OR1J2: variants seen among roughly 807,000 people sequenced by gnomAD.
The protein encoded by OR1J2 is olfactory receptor 1J2.
For missense variants in OR1J2, 304 were observed against 246.1 expected, an observed-to-expected ratio of 1.24 and a Z score of -1.57; for synonymous variants, 142 against 99.7, an observed-to-expected ratio of 1.42 and a Z score of -2.52.
chr9:122,457,768 A>G, the OR1J2 span, among the ~76,000 whole-genome samples: 1 of 152,170 alleles, frequency 6.6e-6, no homozygotes, highest in African/African-American at 2.4e-5. Flanking sequence ...AGAAAAAAAC[A>G]CCAAATAGAA....
At chr9:122,552,039 A>ACTCTCTCTCTCTCT in the OR1J2 span, among the ~76,000 whole-genome samples, 10 of 89,356 alleles carry the variant, frequency 1.1e-4, no homozygotes, top group South Asian at 5.0e-4. Context: ...GGACACATAC[A>ACTCTCTCTCTCTCT]CACACACACA....
chr9:122,499,606 C>T, the OR1J2 span, among the ~76,000 whole-genome samples: 1 of 152,176 alleles, frequency 6.6e-6, no homozygotes, highest in Non-Finnish European at 1.5e-5. Context: ...GCAGTGGGGT[C>T]TCCCTGCACC....
chr9:122,526,499 A>C, the OR1J2 span: 1 of 1,586,164 alleles, frequency 6.3e-7, no homozygotes, highest in Admixed American at 1.7e-5. Context: ...CCTTCTCTTC[A>C]GAGGCAATGG....
the OR1J2 span, among the ~76,000 whole-genome samples, chr9:122,544,631 A>T: frequency 6.6e-6 from 1 of 151,704 alleles, no homozygotes; most frequent in African/African-American, 2.4e-5. Flanking sequence ...TGTTAGTCAG[A>T]CTGGTCTCGA....
At chr9:122,502,244 G>T in the OR1J2 span, among the ~76,000 whole-genome samples, 1 of 152,126 alleles carries the variant, frequency 6.6e-6, no homozygotes, top group Non-Finnish European at 1.5e-5. Context: ...GTCCTTCATT[G>T]TTCAGATCCA....
chr9:122,526,345 G>A, the OR1J2 span: 1 of 1,440,990 alleles, frequency 6.9e-7, no homozygotes, highest in Non-Finnish European at 9.2e-7. Flanking sequence ...ATTAAATGTT[G>A]CTGTCACCAC....
At chr9:122,480,350 T>C in the OR1J2 span, among the ~76,000 whole-genome samples, 11 of 152,266 alleles carry the variant, frequency 7.2e-5, no homozygotes, top group South Asian at 4.1e-4. Context: ...GCTGAGGAAG[T>C]TGGCTATCAA....
At chr9:122,455,920 A>G in the OR1J2 span, among the ~76,000 whole-genome samples, 20 of 152,156 alleles carry the variant, frequency 1.3e-4, no homozygotes, top group Non-Finnish European at 2.6e-4. Context: ...TGTCTATCCA[A>G]TCACCCCAGA....
the OR1J2 span, among the ~76,000 whole-genome samples, chr9:122,544,863 ATTTC>A: frequency 6.6e-6 from 1 of 151,382 alleles, no homozygotes; most frequent in Non-Finnish European, 1.5e-5. Flanking sequence ...CATTGTTTTT[ATTTC>A]TTTCTTTTTA....
the OR1J2 span, among the ~76,000 whole-genome samples, chr9:122,541,767 C>G: frequency 2.2e-4 from 33 of 152,340 alleles, no homozygotes; most frequent in African/African-American, 7.2e-4. Context: ...CCAGCCAGAT[C>G]ACCCTGTGGT....
At chr9:122,512,624 G>A (rs1005111150), downstream of OR1J2, among the ~76,000 whole-genome samples, 1 of 152,086 alleles carries the variant, frequency 6.6e-6, no homozygotes, top group African/African-American at 2.4e-5. Context: ...TCTAGCTGTG[G>A]TAAATTCCTC....
chr9:122,508,143 A>G (rs965820735), upstream of OR1J2, among the ~76,000 whole-genome samples: 1 of 118,710 alleles, frequency 8.4e-6, no homozygotes, highest in Admixed American at 8.2e-5. Flanking sequence ...AGAGAGAGGG[A>G]GAGAGAGAGA....
chr9:122,479,432 A>G, the OR1J2 span, among the ~76,000 whole-genome samples: 1 of 152,232 alleles, frequency 6.6e-6, no homozygotes, highest in African/African-American at 2.4e-5. Flanking sequence ...TCTATATGAC[A>G]TCAGATGCTG....
the OR1J2 span, among the ~76,000 whole-genome samples, chr9:122,532,757 TA>T: frequency 3.6e-3 from 550 of 152,162 alleles, 3 homozygotes; most frequent in African/African-American, 0.013. Flanking sequence ...CCTAAAACAG[TA>T]AGGTCAAGTT....
At chr9:122,566,380 T>C in the OR1J2 span, among the ~76,000 whole-genome samples, 1 of 152,224 alleles carries the variant, frequency 6.6e-6, no homozygotes, top group African/African-American at 2.4e-5. Context: ...TCTCCCTCCA[T>C]GTTTCCCCCT....
chr9:122,478,072 A>G, the OR1J2 span: 1 of 611,100 alleles, frequency 1.6e-6, no homozygotes, highest in Non-Finnish European at 2.8e-6. Context: ...TTTGCCACAT[A>G]TTTTGCTGCA....
At chr9:122,507,451 C>T (rs1454965910), upstream of OR1J2, among the ~76,000 whole-genome samples, 1 of 152,108 alleles carries the variant, frequency 6.6e-6, no homozygotes, top group Non-Finnish European at 1.5e-5. Context: ...AGCTTATCCC[C>T]AAATACAGTC....
At chr9:122,477,000 G>T in the OR1J2 span, 1 of 1,600,770 alleles carries the variant, frequency 6.2e-7, no homozygotes, top group Non-Finnish European at 8.6e-7. Flanking sequence ...GAGCCACTGC[G>T]CCTGACCTAC....
At chr9:122,506,369 G>T (rs1828523617), upstream of OR1J2, among the ~76,000 whole-genome samples, 1 of 152,036 alleles carries the variant, frequency 6.6e-6, no homozygotes, top group African/African-American at 2.4e-5. Flanking sequence ...ATGTTTTATG[G>T]ATATCTTTAA....
Sources: gnomAD v4.1 joint callset for allele counts (sites outside exome capture counted in the v4.1 genomes callset) on GRCh38, gnomAD v4.1.1 for gene constraint, MANE v1.5 for transcripts, NCBI Gene and HGNC (gene_info 2026-07-23, HGNC 2026-07-21) for gene names.